Variants in COL9A1 observed in about 807,000 individuals in gnomAD.
COL9A1 encodes the protein collagen type IX alpha 1 chain, also known as collagen alpha-1(IX) chain.
In COL9A1, 104 loss-of-function variants were observed where a neutral mutation model predicts 142.6. The observed-to-expected ratio is 0.73, with a 90% CI of 0.62 to 0.86. The LOEUF (loss-of-function observed/expected upper bound fraction) is 0.86. Among genes scored for constraint, COL9A1 ranks in the 40% least tolerant of loss-of-function variants. The pLI is 0.00. For synonymous variants in COL9A1, 466 were observed against 396.0 expected, an observed-to-expected ratio of 1.18 and a Z score of -2.10; for missense variants, 1,210 against 1,176.6, an observed-to-expected ratio of 1.03 and a Z score of -0.42.
intron 7 of COL9A1, 52 bp downstream of exon 7, chr6:70,282,846 C>T (rs577895004): frequency 4.5e-5 from 73 of 1,613,766 alleles, no homozygotes; most frequent in Middle Eastern, 3.4e-4. Context: ...TGCGCCCCGA[C>T]CTGTCCTCGT....
At chr6:70,220,978 T>C (rs963814913) in intron 37 of COL9A1, among the ~76,000 whole-genome samples, 3 of 152,240 alleles carry the variant, frequency 2.0e-5, no homozygotes, top group African/African-American at 7.2e-5. Flanking sequence ...GATATACTAA[T>C]TACCCTAATC....
rs1324721033 is a variant in COL9A1, at chr6:70,302,931, A to C, written c.-7T>G. 6.2e-7 allele frequency: 1 copy of C among 1,613,786 alleles called. No individual in the cohort carries two copies. Among genetic ancestry groups the C allele is most frequent in the African/African-American group, 1.3e-5 (1 of 74,822 alleles). ...CTTACCAGCAGGTCTTCATTTTCCC[A>C]GTTGATTTTCTTTGTTTGCCAACAG... On this transcript the variant is annotated 5_prime_UTR_variant, in exon 1 of 38. Coordinates refer to ENST00000357250, the MANE Select transcript of COL9A1 (RefSeq NM_001851.6).
chr6:70,299,915 T>A (rs529154764), intron 4 of COL9A1, 128 bp downstream of exon 4: 2 of 887,982 alleles, frequency 2.3e-6, no homozygotes. Context: ...GTAAATAAAT[T>A]TCTTCATCTT....
At chr6:70,236,243 G>A (rs1181574503) in intron 33 of COL9A1, among the ~76,000 whole-genome samples, 2 of 150,208 alleles carry the variant, frequency 1.3e-5, no homozygotes, top group African/African-American at 4.9e-5. Context: ...TAGCATAAAA[G>A]CAAATACAAG....
chr6:70,255,022 CACACACAAAGAA>C lies in COL9A1; in HGVS notation c.1612-18_1612-7del, dbSNP rs1234453841. ...CCATCCACACCTGGCAAACCCTAAA[CACACACAAAGAA>C]ACATACTGTCTCTTACACACAGTCA... On this transcript the variant is annotated splice_polypyrimidine_tract_variant and splice_region_variant and intron_variant, in intron 23 of 37. Coordinates refer to ENST00000357250, the MANE Select transcript of COL9A1 (RefSeq NM_001851.6). The C allele has an allele frequency of 1.2e-6, 2 of 1,614,182 alleles. No homozygotes were observed. Among genetic ancestry groups the C allele is most frequent in the Non-Finnish European group, 1.7e-6 (2 of 1,180,006 alleles).
At chr6:70,259,257 C>A (rs537545888) in intron 20 of COL9A1, among the ~76,000 whole-genome samples, 2 of 152,050 alleles carry the variant, frequency 1.3e-5, no homozygotes, top group Non-Finnish European at 2.9e-5. Context: ...CAACGTACAA[C>A]GTATTGTTAA....
chr6:70,300,422 A>C (rs1246635188), intron 2 of COL9A1, 36 bp from the exon 3 acceptor site: 3 of 1,139,864 alleles, frequency 2.6e-6, no homozygotes, highest in Non-Finnish European at 4.0e-6. Context: ...TACTTCATCC[A>C]CTCTAACTTA....
rs138583508 is a variant in COL9A1 at position 70,294,403 on chromosome 6, C to G, written c.460G>C (p.Val154Leu). 4.3e-4 allele frequency: 699 copies of G among 1,614,012 alleles called. No homozygotes were observed. Among genetic ancestry groups the G allele is most frequent in the Admixed American group, 8.2e-4 (49 of 59,992 alleles). Residue 154 changes from valine (V) to leucine (L), a missense_variant, in exon 5 of 38, where the codon GTA becomes CTA. Transcript: ENST00000357250. ...IKINGQTQSV[V>L]FSYKGLDGSL... is the part of the protein sequence containing the mutation. ...CCATCCAGTCCCTTGTATGAAAATA[C>G]AACAGATTGTGTTTGGCCATTAATC...
At chr6:70,260,750 A>G in intron 19 of COL9A1, 40 bp from the exon 20 acceptor site, 8 of 1,604,278 alleles carry the variant, frequency 5.0e-6, no homozygotes, top group Non-Finnish European at 6.8e-6. Flanking sequence ...TTTTAGTTGA[A>G]GCAAAGATTT....
rs1174463957 is a variant in COL9A1 at position 70,272,071 on chromosome 6, T to C, written c.1083A>G (p.Gly361=). 1.2e-6 allele frequency: 2 copies of C among 1,612,004 alleles called. No individual in the cohort carries two copies. The highest frequency in any genetic ancestry group is 1.7e-6 in the Non-Finnish European group (2 of 1,178,498). Residue 361 remains glycine, a synonymous_variant, in exon 13 of 38, where the codon GGA becomes GGG. Coordinates refer to ENST00000357250, the MANE Select transcript of COL9A1 (RefSeq NM_001851.6). ...SRGFPGRGIP[G]PPGPPGTAGL... ...ATGATGAAGTGATACTTACAGGGGG[T>C]CCAGGAATACCACGGCCCTAAAAGA...
At chr6:70,289,660 T>C (rs1486198766) in intron 5 of COL9A1, among the ~76,000 whole-genome samples, 1 of 152,214 alleles carries the variant, frequency 6.6e-6, no homozygotes, top group Admixed American at 6.5e-5. Context: ...ATTTTTCTTT[T>C]TAATTTAATT....
At chr6:70,241,383 C>T in intron 31 of COL9A1, 36 bp downstream of exon 31, 3 of 1,573,268 alleles carry the variant, frequency 1.9e-6, no homozygotes, top group Non-Finnish European at 2.6e-6. Context: ...GCATATCAAA[C>T]ATTGCATTTT....
At chr6:70,291,450 C>T (rs1210989429) in intron 5 of COL9A1, among the ~76,000 whole-genome samples, 1 of 152,110 alleles carries the variant, frequency 6.6e-6, no homozygotes, top group African/African-American at 2.4e-5. Flanking sequence ...TTTCTATGTG[C>T]TTCTTAGCAT....
intron 28 of COL9A1, among the ~76,000 whole-genome samples, chr6:70,242,985 T>A (rs1450609754): frequency 2.0e-5 from 3 of 152,228 alleles, no homozygotes; most frequent in Non-Finnish European, 4.4e-5. Context: ...ATCCTAACTT[T>A]TATTATGGTT....
chr6:70,286,480 GT>G (rs1254924012), intron 5 of COL9A1, among the ~76,000 whole-genome samples: 2 of 152,198 alleles, frequency 1.3e-5, no homozygotes, highest in African/African-American at 4.8e-5. Flanking sequence ...TTGGCACAAG[GT>G]TTGATTTCTG....
At chr6:70,274,825 C>T (rs756717865) in intron 10 of COL9A1, 53 bp from the exon 11 acceptor site, 2 of 1,424,436 alleles carry the variant, frequency 1.4e-6, no homozygotes, top group Non-Finnish European at 9.9e-7. Context: ...TTAGGCAAAC[C>T]ACTAAGTAGA....
intron 4 of COL9A1, among the ~76,000 whole-genome samples, chr6:70,295,489 TG>T (rs1315395782): frequency 6.6e-6 from 1 of 151,808 alleles, no homozygotes; most frequent in Non-Finnish European, 1.5e-5. Flanking sequence ...TGTTTCGCCA[TG>T]TCAGTCAGGC....
At chr6:70,218,132 G>T (rs1376215908) in intron 37 of COL9A1, among the ~76,000 whole-genome samples, 1 of 152,162 alleles carries the variant, frequency 6.6e-6, no homozygotes, top group Non-Finnish European at 1.5e-5. Flanking sequence ...GATAGAACAA[G>T]ACTTCGTCTT....
chr6:70,271,762 T>C, intron 13 of COL9A1, 54 bp from the exon 14 acceptor site: 1 of 1,456,356 alleles, frequency 6.9e-7, no homozygotes, highest in Non-Finnish European at 9.6e-7. Context: ...TTACAATCTA[T>C]CATACATTAT....
Sources: gnomAD v4.1 joint callset for allele counts (sites outside exome capture counted in the v4.1 genomes callset) on GRCh38, gnomAD v4.1.1 for gene constraint, MANE v1.5 for transcripts, NCBI Gene and HGNC (gene_info 2026-07-23, HGNC 2026-07-21) for gene names.